Variants in CNOT6 observed in about 807,000 individuals in gnomAD.
CNOT6 encodes carbon catabolite repression 4 protein.
CNOT6 carries 12 observed loss-of-function variants against 61.2 expected under a neutral mutation model. The observed-to-expected ratio is 0.20, with a 90% CI of 0.13 to 0.32. The LOEUF is 0.32. Ranked by LOEUF, CNOT6 falls within the 10% of genes least tolerant of loss-of-function variation. CNOT6 has a pLI of 1.00. For synonymous variants in CNOT6, 225 were observed against 240.6 expected, an observed-to-expected ratio of 0.94 and a Z score of 0.60; for missense variants, 405 against 663.9, an observed-to-expected ratio of 0.61 and a Z score of 4.28.
chr5:180,539,103 A>G (rs919764237), intron 2 of CNOT6, among the ~76,000 whole-genome samples: 1 of 147,482 alleles, frequency 6.8e-6, no homozygotes, highest in African/African-American at 2.5e-5. Context: ...TGAACCCGGG[A>G]GGCAGTGGTT....
rs547953497 is a variant in CNOT6 at position 180,503,698 on chromosome 5, C to T, written c.-3+8935C>T. ...TTGGCTTACTGTGACCTCTGCATCC[C>T]GGGTTCAAGCGATTCCCTTGCCTCA... On this transcript the variant is annotated intron_variant, in intron 1 of 11. Transcript: ENST00000261951. Among the ~76,000 whole-genome samples the T allele has an allele frequency of 1.9e-4, 27 of 141,274 alleles. No individual in the cohort carries two copies. In the East Asian group the frequency reaches 5.0e-3, roughly 26 times the overall value. The allele number at this position is 141,274 out of a possible 152,430, so 92.7% of individuals were successfully genotyped here.
chr5:180,537,877 A>C (rs558721949), intron 2 of CNOT6, among the ~76,000 whole-genome samples: 3 of 151,616 alleles, frequency 2.0e-5, no homozygotes, highest in Non-Finnish European at 4.4e-5. Context: ...GTGTATAAGA[A>C]AGTGACTAAC....
At chr5:180,538,255 G>A (rs1209274477) in intron 2 of CNOT6, among the ~76,000 whole-genome samples, 1 of 151,570 alleles carries the variant, frequency 6.6e-6, no homozygotes, top group Non-Finnish European at 1.5e-5. Context: ...TAGCCAGGAT[G>A]GTCTCAATCT....
At chr5:180,558,526 A>AAC (rs1277876258) in intron 4 of CNOT6, among the ~76,000 whole-genome samples, 11 of 151,216 alleles carry the variant, frequency 7.3e-5, no homozygotes, top group African/African-American at 2.4e-4. Context: ...AAAAAACAAA[A>AAC]AACCTGCTAT....
At chr5:180,550,410 G>A (rs1411917090) in intron 3 of CNOT6, among the ~76,000 whole-genome samples, 5 of 151,872 alleles carry the variant, frequency 3.3e-5, no homozygotes, top group East Asian at 1.9e-4. Context: ...AGATCACACC[G>A]CTGCACTCCA....
chr5:180,568,327 A>G (rs1042892396), intron 9 of CNOT6, among the ~76,000 whole-genome samples: 1 of 151,632 alleles, frequency 6.6e-6, no homozygotes, highest in Non-Finnish European at 1.5e-5. Context: ...AACTCCATAC[A>G]CTTTTGTAAT....
rs763264490 is a variant in CNOT6 at position 180,567,984 on chromosome 5, G to A, written c.1008G>A (p.Lys336=). 6.2e-7 allele frequency: 1 copy of A among 1,607,712 alleles called. No individual in the cohort carries two copies. The highest frequency in any genetic ancestry group is 1.7e-5 in the Admixed American group (1 of 59,800). Residue 336 remains lysine (K), a synonymous_variant, in exon 9 of 12, where the codon AAG becomes AAA. Transcript: ENST00000261951. ...IGVAVLLELR[K]ESIEMPSGKP... is the part of the protein sequence containing the mutation. ...TTGCAGTACTGCTAGAACTTCGGAA[G>A]GAATCGATTGAAATGCCGTGTGAGT...
chr5:180,532,971 A>C (rs1349989512), intron 2 of CNOT6, among the ~76,000 whole-genome samples: 2 of 152,200 alleles, frequency 1.3e-5, no homozygotes, highest in African/African-American at 4.8e-5. Context: ...AACCTCGTGC[A>C]TTCAGCTATC....
chr5:180,512,465 C>T (rs781669204), intron 1 of CNOT6, among the ~76,000 whole-genome samples: 11 of 152,010 alleles, frequency 7.2e-5, no homozygotes, highest in African/African-American at 1.9e-4. Context: ...TTCTCAACTG[C>T]GGAGTTTGAA....
chr5:180,538,162 C>T (rs545539104), intron 2 of CNOT6, among the ~76,000 whole-genome samples: 67 of 151,320 alleles, frequency 4.4e-4, no homozygotes, highest in African/African-American at 1.5e-3. Flanking sequence ...CCTCAGCCTC[C>T]CAAGTAGCTG....
In CNOT6 at chr5:180,494,744, A is replaced by C. The variant is rs1328982078; in HGVS notation, c.-22A>C. 1.4e-5 allele frequency: 2 copies of C among 145,924 alleles called. No homozygotes were observed. The highest frequency in any genetic ancestry group is 3.0e-5 in the Non-Finnish European group (2 of 66,114). The allele number at this position is 145,924 out of a possible 1,614,324, so 9.0% of individuals were successfully genotyped here. On this transcript the variant is annotated 5_prime_UTR_variant, in exon 1 of 12. Coordinates refer to ENST00000261951, the MANE Select transcript of CNOT6 (RefSeq NM_001370472.1). ...GAGGAGGAGGCGGCAGCGGCGGAGG[A>C]AGGCGGCGCACCCCGAGAGGTGAGC...
intron 4 of CNOT6, among the ~76,000 whole-genome samples, chr5:180,554,232 A>G (rs1244939324): frequency 6.6e-6 from 1 of 152,170 alleles, no homozygotes; most frequent in Non-Finnish European, 1.5e-5. Context: ...AGCATGAGCA[A>G]CATGGCAAAA....
intron 2 of CNOT6, among the ~76,000 whole-genome samples, chr5:180,536,490 T>C (rs554706163): frequency 6.6e-6 from 1 of 152,164 alleles, no homozygotes; most frequent in South Asian, 2.1e-4. Flanking sequence ...AAGATATCAT[T>C]GTTCTGTGGC....
At chr5:180,507,793 C>T (rs1486947249) in intron 1 of CNOT6, among the ~76,000 whole-genome samples, 1 of 124,744 alleles carries the variant, frequency 8.0e-6, no homozygotes, top group Non-Finnish European at 1.8e-5. Flanking sequence ...CTGGGGAGGC[C>T]TCAGGAAACT....
intron 7 of CNOT6, 29 bp downstream of exon 7, chr5:180,566,006 G>C: frequency 2.5e-6 from 4 of 1,580,372 alleles, no homozygotes; most frequent in Non-Finnish European, 3.4e-6. Context: ...AGTCAACCTA[G>C]CATTGATAAA....
intron 1 of CNOT6, among the ~76,000 whole-genome samples, chr5:180,527,052 A>G (rs1253947956): frequency 2.6e-5 from 4 of 151,866 alleles, no homozygotes; most frequent in East Asian, 1.9e-4. Flanking sequence ...GCTAATTTTT[A>G]ATTTTTTTGG....
chr5:180,543,811 A>C (rs1164645118), intron 2 of CNOT6, among the ~76,000 whole-genome samples: 1 of 151,948 alleles, frequency 6.6e-6, no homozygotes, highest in Non-Finnish European at 1.5e-5. Flanking sequence ...TTTATTTTTA[A>C]TATGACTTTT....
intron 2 of CNOT6, among the ~76,000 whole-genome samples, chr5:180,547,203 AT>A (rs201709148): frequency 3.6e-4 from 46 of 127,738 alleles, no homozygotes; most frequent in Admixed American, 1.0e-3. Context: ...GGTTGACAGG[AT>A]TTTTTTTTTC....
rs971023996 is a variant in CNOT6 at position 180,575,065 on chromosome 5, A to G, written c.*865A>G. 1 of 152,648 alleles carries G rather than the reference A, an allele frequency of 6.6e-6. No homozygotes were observed. The highest frequency in any genetic ancestry group is 2.4e-5 in the African/African-American group (1 of 41,456). The allele number at this position is 152,648 out of a possible 1,614,324, so 9.5% of individuals were successfully genotyped here. The stretch of plus-strand genomic sequence containing the variant: ...TATTTTTAAATCTTTAACTTTTTAA[A>G]GTTAAAAACCTACAGCTGCTTAGGT... On this transcript the variant is annotated 3_prime_UTR_variant, in exon 12 of 12. Transcript: ENST00000261951.
Sources: allele counts gnomAD v4.1 joint callset (sites outside exome capture counted in the v4.1 genomes callset), GRCh38; gene constraint gnomAD v4.1.1; transcripts MANE v1.5; gene names NCBI Gene and HGNC (gene_info 2026-07-23, HGNC 2026-07-21).